EEPD1: variants seen among roughly 807,000 people sequenced by gnomAD.
EEPD1 encodes the protein endonuclease/exonuclease/phosphatase family domain-containing protein 1.
EEPD1 carries 17 observed loss-of-function variants against 46.3 expected under a neutral mutation model. That is an observed-to-expected ratio of 0.37 (90% CI 0.25 to 0.55). The LOEUF is 0.55. Among genes scored for constraint, EEPD1 ranks in the 20% least tolerant of loss-of-function variants. The pLI, the probability that EEPD1 is intolerant of heterozygous loss-of-function variation, is 0.83. For missense variants in EEPD1, 673 were observed against 745.6 expected (o/e 0.90, Z 1.13); for synonymous variants, 313 against 315.6 (o/e 0.99, Z 0.09).
chr7:36,258,960 A>C (rs185686341), intron 3 of EEPD1, among the ~76,000 whole-genome samples: 57 of 151,044 alleles, frequency 3.8e-4, no homozygotes, highest in African/African-American at 1.3e-3. Context: ...CTTGAAACCC[A>C]GGGCCCGGTG....
At chr7:36,254,184 G>T (rs1786793988) in intron 3 of EEPD1, among the ~76,000 whole-genome samples, 1 of 152,148 alleles carries the variant, frequency 6.6e-6, no homozygotes, top group South Asian at 2.1e-4. Flanking sequence ...GAACAAGCAG[G>T]TTTGTTACAT....
At chr7:36,249,404 C>T (rs975223699) in intron 3 of EEPD1, among the ~76,000 whole-genome samples, 16 of 152,168 alleles carry the variant, frequency 1.1e-4, no homozygotes, top group African/African-American at 2.6e-4. Context: ...ACCTGTGATC[C>T]GGTTCCTGGG....
chr7:36,241,736 C>T (rs1366800630), intron 3 of EEPD1, among the ~76,000 whole-genome samples: 1 of 151,530 alleles, frequency 6.6e-6, no homozygotes, highest in Non-Finnish European at 1.5e-5. Flanking sequence ...GCGGTAGTGG[C>T]ATGTGCCTGT....
chr7:36,238,399 T>C (rs997286623), intron 2 of EEPD1, among the ~76,000 whole-genome samples: 1 of 152,218 alleles, frequency 6.6e-6, no homozygotes, highest in Non-Finnish European at 1.5e-5. Context: ...CTATTCAAGA[T>C]GGAATAGCTG....
intron 3 of EEPD1, among the ~76,000 whole-genome samples, chr7:36,252,353 A>G (rs1251180805): frequency 6.6e-6 from 1 of 151,876 alleles, no homozygotes; most frequent in East Asian, 1.9e-4. Context: ...GCCCCCCTCC[A>G]TGTTTTGCTA....
intron 3 of EEPD1, among the ~76,000 whole-genome samples, chr7:36,244,261 G>A (rs951258849): frequency 1.3e-5 from 2 of 151,928 alleles, no homozygotes; most frequent in African/African-American, 4.8e-5. Context: ...TCCCAACAGT[G>A]GGGACCTGCA....
chr7:36,167,113 T>A (rs757145703), intron 2 of EEPD1, among the ~76,000 whole-genome samples: 13 of 152,192 alleles, frequency 8.5e-5, no homozygotes, highest in Non-Finnish European at 1.8e-4. Context: ...AGGTCACCAG[T>A]CATATCAGAT....
At chr7:36,283,374 G>A (rs767639674) in intron 4 of EEPD1, among the ~76,000 whole-genome samples, 7 of 152,170 alleles carry the variant, frequency 4.6e-5, no homozygotes, top group Non-Finnish European at 1.0e-4. Context: ...CACCGCAGAG[G>A]CTTCCCCTCC....
At chr7:36,191,519 A>G (rs1167050927) in intron 2 of EEPD1, among the ~76,000 whole-genome samples, 2 of 152,230 alleles carry the variant, frequency 1.3e-5, no homozygotes, top group South Asian at 2.1e-4. Flanking sequence ...GGAAGCAGCT[A>G]TCATCCTGGC....
chr7:36,270,912 C>T (rs1400848554), intron 3 of EEPD1, among the ~76,000 whole-genome samples: 3 of 152,184 alleles, frequency 2.0e-5, no homozygotes, highest in Admixed American at 1.3e-4. Context: ...CTAATTTACA[C>T]TCCCACCAAG....
chr7:36,205,344 T>A (rs1360369512), intron 2 of EEPD1, among the ~76,000 whole-genome samples: 1 of 152,252 alleles, frequency 6.6e-6, no homozygotes, highest in East Asian at 1.9e-4. Flanking sequence ...ATAGAATCAT[T>A]TAATAGACAA....
At chr7:36,248,629 G>A (rs1393423002) in intron 3 of EEPD1, among the ~76,000 whole-genome samples, 1 of 145,834 alleles carries the variant, frequency 6.9e-6, no homozygotes, top group Non-Finnish European at 1.5e-5. Context: ...AGCCCTTCAT[G>A]TAGTCAGAGC....
At chr7:36,165,739 A>G (rs1583781808) in intron 2 of EEPD1, among the ~76,000 whole-genome samples, 2 of 151,928 alleles carry the variant, frequency 1.3e-5, no homozygotes, top group East Asian at 3.9e-4. Context: ...GCCCGGCCCT[A>G]ATGATCCATT....
At chr7:36,217,755 G>C (rs1337596395) in intron 2 of EEPD1, among the ~76,000 whole-genome samples, 4 of 152,148 alleles carry the variant, frequency 2.6e-5, no homozygotes, top group African/African-American at 4.8e-5. Context: ...AGGGAGAGAG[G>C]GGGGATTGCT....
chr7:36,185,885 G>T (rs1033162590), intron 2 of EEPD1, among the ~76,000 whole-genome samples: 1 of 152,164 alleles, frequency 6.6e-6, no homozygotes, highest in Non-Finnish European at 1.5e-5. Flanking sequence ...CCCTTACCTT[G>T]TCATAAAAGT....
At chr7:36,249,478 A>G (rs1341071028) in intron 3 of EEPD1, among the ~76,000 whole-genome samples, 1 of 152,228 alleles carries the variant, frequency 6.6e-6, no homozygotes, top group African/African-American at 2.4e-5. Context: ...GGCATGCTTT[A>G]TAACTATGAA....
intron 2 of EEPD1, among the ~76,000 whole-genome samples, chr7:36,211,532 G>A (rs1785932648): frequency 6.6e-6 from 1 of 151,918 alleles, no homozygotes. Flanking sequence ...AATATATGAG[G>A]GTATCTTCTT....
chr7:36,193,659 C>T lies in EEPD1; in HGVS notation c.878+38457C>T, dbSNP rs1311522267. Among the ~76,000 whole-genome samples the T allele has an allele frequency of 6.6e-6, 1 of 152,054 alleles. No individual in the cohort carries two copies. Among genetic ancestry groups the T allele is most frequent in the Non-Finnish European group, 1.5e-5 (1 of 68,010 alleles). ...CAGATGGCCCTGCCTGTGGACACTG[C>T]GAGTATTGTTTGGCCTTCAGTGAGG... On this transcript the variant is annotated intron_variant, in intron 2 of 7. Coordinates refer to ENST00000242108, the MANE Select transcript of EEPD1 (RefSeq NM_030636.3). The surrounding 1 kb of genome is among the most constrained non-coding windows in gnomAD (Gnocchi z 4.9).
intron 3 of EEPD1, among the ~76,000 whole-genome samples, chr7:36,268,178 G>T (rs143969309): frequency 0.022 from 3,351 of 152,214 alleles, 133 homozygotes; most frequent in African/African-American, 0.076. Flanking sequence ...TTGAGACGGA[G>T]CCTTGCTCTG....
Sources: gnomAD v4.1 joint callset for allele counts (sites outside exome capture counted in the v4.1 genomes callset) on GRCh38, gnomAD v4.1.1 for gene constraint, Gnocchi (gnomAD v3.1) non-coding constraint, MANE v1.5 for transcripts, NCBI Gene and HGNC (gene_info 2026-07-23, HGNC 2026-07-21) for gene names.